Variants in GADL1 observed in about 807,000 individuals in gnomAD.
The protein encoded by GADL1 is GAD like acidic amino acid decarboxylase 1, also known as acidic amino acid decarboxylase GADL1.
GADL1 carries 71 observed loss-of-function variants against 69.5 expected under a neutral mutation model. The ratio of observed to expected loss-of-function variants is 1.02; its 90% CI spans 0.84 to 1.25. The LOEUF (loss-of-function observed/expected upper bound fraction) is 1.25, where lower values mean the gene tolerates loss of function less well. Among genes scored for constraint, GADL1 ranks in the 50% most tolerant of loss-of-function variants. The probability of loss-of-function intolerance (pLI) is 0.00; values close to 1 mark genes in which losing one functional copy is unlikely to be tolerated. For missense variants in GADL1, 737 were observed against 631.8 expected (o/e 1.17, Z -1.79); for synonymous variants, 254 against 214.4 (o/e 1.18, Z -1.62).
At chr3:30,754,590 A>T (rs1401317219) in intron 14 of GADL1, among the ~76,000 whole-genome samples, 2 of 151,582 alleles carry the variant, frequency 1.3e-5, no homozygotes, top group African/African-American at 2.4e-5. Flanking sequence ...TTTAAGCTTC[A>T]TGGAGTTTGG....
At chr3:30,813,861 T>C (rs1324645994) in intron 11 of GADL1, among the ~76,000 whole-genome samples, 2 of 152,222 alleles carry the variant, frequency 1.3e-5, no homozygotes, top group Non-Finnish European at 2.9e-5. Context: ...AATCTTTGGA[T>C]AGAACAAAAG....
At chr3:30,758,938 T>A (rs965651643) in intron 14 of GADL1, among the ~76,000 whole-genome samples, 1 of 152,202 alleles carries the variant, frequency 6.6e-6, no homozygotes, top group African/African-American at 2.4e-5. Flanking sequence ...CCTTCCTATA[T>A]TGCAGAGGCT....
At chr3:30,884,309 T>C (rs879293501) in intron 1 of GADL1, among the ~76,000 whole-genome samples, 1 of 152,018 alleles carries the variant, frequency 6.6e-6, no homozygotes, top group Non-Finnish European at 1.5e-5. Context: ...GAGAACTTTG[T>C]GATATACTTT....
chr3:30,848,991 G>A (rs1470052573), intron 6 of GADL1, among the ~76,000 whole-genome samples: 1 of 152,142 alleles, frequency 6.6e-6, no homozygotes, highest in Admixed American at 6.5e-5. Context: ...GCTCACAGAT[G>A]GGATTTTGCC....
chr3:30,890,226 T>C (rs1406652984), intron 1 of GADL1, among the ~76,000 whole-genome samples: 1 of 152,158 alleles, frequency 6.6e-6, no homozygotes, highest in East Asian at 1.9e-4. Flanking sequence ...GAATCATGCA[T>C]TGTCATGATT....
At chr3:30,842,706 T>C (rs1189081265) in intron 8 of GADL1, among the ~76,000 whole-genome samples, 1 of 151,760 alleles carries the variant, frequency 6.6e-6, no homozygotes, top group Non-Finnish European at 1.5e-5. Context: ...AAACAATATC[T>C]GTGGTTCTCA....
At position 30,856,961 on chromosome 3, in the gene GADL1, AAACAT is replaced by A. The variant is rs1335537744; in HGVS notation, c.337+49_337+53del. 264 of 1,465,406 alleles carry A rather than the reference AAACAT, an allele frequency of 1.8e-4. 1 individual carries two copies. The highest frequency in any genetic ancestry group is 2.3e-4 in the Non-Finnish European group (248 of 1,078,592). 90.8% of individuals were successfully genotyped at this position (1,465,406 alleles called of 1,614,324 possible). A position where few individuals can be genotyped will look rare whatever the true frequency, so the allele number is the denominator to read the frequency against. ...TATACTCAGCTTTGAGAGGCTTTGC[AAACAT>A]AAGAACTTGTCAGAGGTACAGATCA... On this transcript the variant is annotated intron_variant, in intron 3 of 14. Transcript: ENST00000282538.
chr3:30,785,461 A>G (rs961412257), intron 13 of GADL1, among the ~76,000 whole-genome samples: 6 of 147,414 alleles, frequency 4.1e-5, no homozygotes, highest in African/African-American at 1.5e-4. Flanking sequence ...AGCTCACCGC[A>G]ACCACCGCCT....
At chr3:30,763,022 C>CT (rs2125486587) in intron 14 of GADL1, among the ~76,000 whole-genome samples, 1 of 152,240 alleles carries the variant, frequency 6.6e-6, no homozygotes, top group Admixed American at 6.5e-5. Flanking sequence ...AAACAGTGTG[C>CT]TACAACAAAC....
chr3:30,805,733 C>CA (rs1697240508), intron 11 of GADL1, among the ~76,000 whole-genome samples: 2 of 75,692 alleles, frequency 2.6e-5, no homozygotes, highest in African/African-American at 1.6e-4. Context: ...CAGTCCCCAG[C>CA]CTTTTTTTTT....
intron 14 of GADL1, among the ~76,000 whole-genome samples, chr3:30,735,680 G>A (rs1488026033): frequency 6.6e-6 from 1 of 152,166 alleles, no homozygotes; most frequent in African/African-American, 2.4e-5. Flanking sequence ...ATTTTGGTGA[G>A]TGATGAACAC....
At chr3:30,822,755 G>A (rs887417579) in intron 11 of GADL1, among the ~76,000 whole-genome samples, 2 of 151,966 alleles carry the variant, frequency 1.3e-5, no homozygotes, top group African/African-American at 4.8e-5. Context: ...TTCTTGACCA[G>A]CCTTTTCAGC....
At chr3:30,790,157 T>C (rs1404108808) in intron 12 of GADL1, among the ~76,000 whole-genome samples, 3 of 152,174 alleles carry the variant, frequency 2.0e-5, no homozygotes. Context: ...ACTCAGGCCA[T>C]TGTAGAGTTA....
At chr3:30,852,559 A>T (rs2125532930) in intron 4 of GADL1, among the ~76,000 whole-genome samples, 1 of 152,260 alleles carries the variant, frequency 6.6e-6, no homozygotes, top group East Asian at 1.9e-4. Context: ...CACGTTATGA[A>T]GCCAGTGTAC....
chr3:30,751,547 G>A lies in GADL1; in HGVS notation c.1393-23132C>T, dbSNP rs1320339054. On this transcript the variant is annotated intron_variant, in intron 14 of 14. Coordinates refer to ENST00000282538, the MANE Select transcript of GADL1 (RefSeq NM_207359.3). ...TTTGCCTATGAAAATAGGCAAGCTG[G>A]AAATATCTAGTAGACTAGAAAAAAG... 2.0e-5 allele frequency among the ~76,000 whole-genome samples: 3 copies of A among 151,158 alleles called. No homozygotes were observed. The East Asian group carries it at 5.8e-4, about 29-fold the overall frequency.
intron 1 of GADL1, among the ~76,000 whole-genome samples, chr3:30,880,166 C>A (rs540480635): frequency 1.8e-4 from 28 of 151,740 alleles, no homozygotes; most frequent in African/African-American, 6.3e-4. Context: ...TTTTAAAAAC[C>A]AACAATGACA....
chr3:30,885,843 G>C (rs750101655), intron 1 of GADL1, among the ~76,000 whole-genome samples: 2 of 151,974 alleles, frequency 1.3e-5, no homozygotes, highest in African/African-American at 4.8e-5. Context: ...CTGATCTCAA[G>C]TGATCCTCCT....
intron 12 of GADL1, among the ~76,000 whole-genome samples, chr3:30,796,687 T>C (rs1042119333): frequency 2.0e-5 from 3 of 152,210 alleles, no homozygotes; most frequent in Admixed American, 2.0e-4. Flanking sequence ...AACTGAAAGA[T>C]GCAGAGAGAC....
intron 1 of GADL1, among the ~76,000 whole-genome samples, chr3:30,889,898 T>G (rs749789350): frequency 6.6e-6 from 1 of 152,194 alleles, no homozygotes; most frequent in Non-Finnish European, 1.5e-5. Flanking sequence ...ATCAGAAATA[T>G]AATCAAAAGA....
Sources: allele counts gnomAD v4.1 joint callset (sites outside exome capture counted in the v4.1 genomes callset), GRCh38; gene constraint gnomAD v4.1.1; transcripts MANE v1.5; gene names NCBI Gene and HGNC (gene_info 2026-07-23, HGNC 2026-07-21).